Variants in CDK14 observed in about 807,000 individuals in gnomAD.
The protein encoded by CDK14 is cyclin-dependent kinase 14.
In CDK14, 34 loss-of-function variants were observed where a neutral mutation model predicts 60.7. That is an observed-to-expected ratio of 0.56 (90% confidence interval 0.43 to 0.75). CDK14 has a LOEUF of 0.75. Among genes scored for constraint, CDK14 ranks in the 30% least tolerant of loss-of-function variants. The pLI is 0.00. For synonymous variants in CDK14, 197 were observed against 203.7 expected (o/e 0.97, Z 0.28); for missense variants, 482 against 564.1 (o/e 0.85, Z 1.47).
chr7:90,758,736 A>G (rs761411015), intron 4 of CDK14, among the ~76,000 whole-genome samples: 1 of 152,214 alleles, frequency 6.6e-6, no homozygotes, highest in Non-Finnish European at 1.5e-5. Flanking sequence ...ATGTATCAAT[A>G]CTATATTCTA....
At chr7:90,819,106 G>A (rs1268615352) in intron 5 of CDK14, among the ~76,000 whole-genome samples, 1 of 152,062 alleles carries the variant, frequency 6.6e-6, no homozygotes, top group Non-Finnish European at 1.5e-5. Flanking sequence ...GTTTTGGTCT[G>A]TGCATGGAGT....
intron 9 of CDK14, among the ~76,000 whole-genome samples, chr7:90,969,047 G>A (rs969573427): frequency 2.0e-5 from 3 of 152,116 alleles, no homozygotes; most frequent in Admixed American, 2.0e-4. Context: ...TATGTGCAGT[G>A]GCCAGACTGC....
At chr7:91,050,369 A>G (rs138254057) in intron 11 of CDK14, among the ~76,000 whole-genome samples, 1,682 of 152,248 alleles carry the variant, frequency 0.011, 15 homozygotes, top group Non-Finnish European at 0.018. Flanking sequence ...CCCTTTTTCA[A>G]TTCCTATGAT....
intron 10 of CDK14, among the ~76,000 whole-genome samples, chr7:91,031,128 T>C (rs564401816): frequency 6.6e-6 from 1 of 152,346 alleles, no homozygotes; most frequent in East Asian, 1.9e-4. Context: ...CGGGGAAATA[T>C]ATTGTGAGTC....
chr7:90,724,478 CTTTA>C (rs1045452921), intron 2 of CDK14, among the ~76,000 whole-genome samples: 5 of 150,432 alleles, frequency 3.3e-5, no homozygotes, highest in Admixed American at 6.6e-5. Flanking sequence ...TTTTTATTTG[CTTTA>C]TTTATTTATT....
chr7:90,913,699 T>C (rs1168675052), intron 7 of CDK14, among the ~76,000 whole-genome samples: 1 of 152,174 alleles, frequency 6.6e-6, no homozygotes, highest in Non-Finnish European at 1.5e-5. Context: ...GTGACAAAAG[T>C]CTGTCCAGGT....
intron 2 of CDK14, among the ~76,000 whole-genome samples, chr7:90,679,071 C>A (rs190885809): frequency 6.6e-6 from 1 of 152,208 alleles, no homozygotes; most frequent in African/African-American, 2.4e-5. Flanking sequence ...CACCTCAGCC[C>A]CCCAAGTAGC....
At position 90,982,001 on chromosome 7, in the gene CDK14, G is replaced by T. The variant is rs536841722; in HGVS notation, c.948-2147G>T. Among the ~76,000 whole-genome samples, 9 of 152,184 alleles carry T rather than the reference G, an allele frequency of 5.9e-5. No individual in the cohort carries two copies. The East Asian group carries it at 1.7e-3, about 29-fold the overall frequency. On this transcript the variant is annotated intron_variant, in intron 9 of 14. Coordinates refer to ENST00000380050, the MANE Select transcript of CDK14 (RefSeq NM_001287135.2). The stretch of plus-strand genomic sequence containing the variant: ...ATACTGCCCCATTCTCCAGAGTCCC[G>T]GCAGAAGTATCTAATTGGCTGTCTG...
chr7:90,610,406 G>A (rs541262072), intron 2 of CDK14, among the ~76,000 whole-genome samples: 3 of 152,088 alleles, frequency 2.0e-5, no homozygotes, highest in East Asian at 1.9e-4. Flanking sequence ...TCCTTGTGCC[G>A]CTGGCCTGTT....
At chr7:90,842,928 AAAC>A (rs1167104690) in intron 5 of CDK14, among the ~76,000 whole-genome samples, 15 of 151,870 alleles carry the variant, frequency 9.9e-5, no homozygotes, top group Non-Finnish European at 2.2e-4. Flanking sequence ...TAGGAATGCC[AAAC>A]AACCTATTGC....
chr7:90,812,520 T>C (rs1318506801), intron 5 of CDK14, among the ~76,000 whole-genome samples: 2 of 152,142 alleles, frequency 1.3e-5, no homozygotes, highest in African/African-American at 4.8e-5. Context: ...TAATGTTAAA[T>C]GACGAGTTGC....
intron 2 of CDK14, among the ~76,000 whole-genome samples, chr7:90,723,968 C>T (rs1802545235): frequency 6.6e-6 from 1 of 152,084 alleles, no homozygotes; most frequent in Non-Finnish European, 1.5e-5. Context: ...GGAAGTATAT[C>T]CTCTTCATCA....
intron 14 of CDK14, among the ~76,000 whole-genome samples, chr7:91,156,599 C>G (rs1800991615): frequency 6.6e-6 from 1 of 152,176 alleles, no homozygotes; most frequent in African/African-American, 2.4e-5. Context: ...CTCCCCAACC[C>G]ATCCCCAAAT....
intron 14 of CDK14, among the ~76,000 whole-genome samples, chr7:91,196,019 G>A (rs1398338458): frequency 6.6e-6 from 1 of 152,168 alleles, no homozygotes; most frequent in Non-Finnish European, 1.5e-5. Flanking sequence ...TCCCTTTCTA[G>A]ACATTAAATT....
chr7:90,995,644 A>T (rs1387261794), intron 10 of CDK14, among the ~76,000 whole-genome samples: 1 of 152,186 alleles, frequency 6.6e-6, no homozygotes, highest in Non-Finnish European at 1.5e-5. Context: ...ATCTTTGGAG[A>T]TCATATGAAC....
chr7:91,166,120 G>A (rs181756124), intron 14 of CDK14, among the ~76,000 whole-genome samples: 29 of 152,322 alleles, frequency 1.9e-4, no homozygotes, highest in Admixed American at 6.5e-4. Context: ...AGGAGGCAAC[G>A]TGTTACTGAC....
At chr7:90,713,266 C>T (rs556339416) in intron 2 of CDK14, among the ~76,000 whole-genome samples, 16 of 152,120 alleles carry the variant, frequency 1.1e-4, no homozygotes, top group African/African-American at 2.4e-4. Flanking sequence ...TATTTTCTGT[C>T]GACCATTTTG....
At chr7:90,882,341 C>G (rs1791788106) in intron 6 of CDK14, among the ~76,000 whole-genome samples, 1 of 148,198 alleles carries the variant, frequency 6.7e-6, no homozygotes, top group South Asian at 2.2e-4. Context: ...TTAAAAAAGA[C>G]AAAGAAGAGC....
intron 5 of CDK14, among the ~76,000 whole-genome samples, chr7:90,809,553 A>G (rs1583993788): frequency 6.6e-6 from 1 of 152,212 alleles, no homozygotes; most frequent in Non-Finnish European, 1.5e-5. Flanking sequence ...AACATCACAA[A>G]TTAAAAGAAC....
Sources: allele counts gnomAD v4.1 joint callset (sites outside exome capture counted in the v4.1 genomes callset), GRCh38; gene constraint gnomAD v4.1.1; transcripts MANE v1.5; gene names NCBI Gene and HGNC (gene_info 2026-07-23, HGNC 2026-07-21).